Variants in CLEC16A observed in about 807,000 individuals in gnomAD.
The protein encoded by CLEC16A is protein CLEC16A.
A neutral mutation model predicts 109.5 loss-of-function variants in CLEC16A; 51 were observed. The observed-to-expected ratio is 0.47, with a 90% confidence interval of 0.37 to 0.59. The LOEUF (loss-of-function observed/expected upper bound fraction) is 0.59. Among genes scored for constraint, CLEC16A ranks in the 20% least tolerant of loss-of-function variants. The probability of loss-of-function intolerance (pLI) is 0.00; values close to 1 mark genes in which losing one functional copy is unlikely to be tolerated. For missense variants in CLEC16A, 1,339 were observed against 1,394.0 expected (o/e 0.96, Z 0.63); for synonymous variants, 673 against 564.2 (o/e 1.19, Z -2.73).
At chr16:11,089,073 A>C (rs1411333448) in intron 19 of CLEC16A, among the ~76,000 whole-genome samples, 1 of 152,036 alleles carries the variant, frequency 6.6e-6, no homozygotes, top group Non-Finnish European at 1.5e-5. Context: ...TTCTGGACCA[A>C]GCTCTTCGCA....
chr16:11,098,634 C>G (rs994666223), intron 19 of CLEC16A, among the ~76,000 whole-genome samples: 2 of 152,206 alleles, frequency 1.3e-5, no homozygotes. Flanking sequence ...GGCTGGAGTC[C>G]TAAAATCTGC....
At chr16:11,098,812 C>A (rs906624271) in intron 19 of CLEC16A, among the ~76,000 whole-genome samples, 4 of 152,212 alleles carry the variant, frequency 2.6e-5, no homozygotes, top group African/African-American at 9.7e-5. Context: ...GTTCAAGAGC[C>A]TTTCCCACCC....
At chr16:10,945,531 G>T (rs1036653440) in intron 1 of CLEC16A, among the ~76,000 whole-genome samples, 1 of 152,146 alleles carries the variant, frequency 6.6e-6, no homozygotes. Flanking sequence ...AAATTAAGAG[G>T]CTGGCTTTGC....
At chr16:11,083,345 G>A (rs940052851) in intron 19 of CLEC16A, among the ~76,000 whole-genome samples, 4 of 151,968 alleles carry the variant, frequency 2.6e-5, no homozygotes, top group African/African-American at 9.7e-5. Context: ...TTGATTTTTT[G>A]TAGAGACAGT....
chr16:11,018,320 G>A (rs1004447212), intron 11 of CLEC16A, among the ~76,000 whole-genome samples: 17 of 151,468 alleles, frequency 1.1e-4, no homozygotes, highest in Admixed American at 2.0e-4. Flanking sequence ...TGAAGAGGGC[G>A]TCCAGGAAGA....
At chr16:10,977,091 C>T (rs1276053008) in intron 7 of CLEC16A, 134 bp from the exon 8 acceptor site, 7 of 788,576 alleles carry the variant, frequency 8.9e-6, no homozygotes, top group Non-Finnish European at 1.4e-5. Context: ...CAGTAGGGGC[C>T]AGGATAAGTG....
intron 22 of CLEC16A, chr16:11,135,977 A>C (rs183623182): frequency 2.0e-5 from 3 of 152,326 alleles, no homozygotes; most frequent in African/African-American, 7.2e-5. Flanking sequence ...GAACTTACCA[A>C]ATCTTCCCAC....
intron 1 of CLEC16A, among the ~76,000 whole-genome samples, chr16:10,947,420 A>T (rs2041445776): frequency 6.6e-6 from 1 of 152,152 alleles, no homozygotes; most frequent in African/African-American, 2.4e-5. Flanking sequence ...ATCGCCATGG[A>T]CCCAGGGTTC....
rs748372135 is a variant in CLEC16A, at chr16:11,003,263, G to C, written c.1261G>C (p.Glu421Gln). 1.9e-6 allele frequency: 3 copies of C among 1,612,736 alleles called. No homozygotes were observed. The highest frequency in any genetic ancestry group is 2.2e-5 in the East Asian group (1 of 44,878). The change falls in exon 11 of 24, where the codon GAG becomes CAG. Residue 421 changes from glutamate to glutamine, a missense_variant. Glu to Gln is a conservative substitution (Grantham distance 29). Transcript: ENST00000409790. ...QEDAEKAKGT[E>Q]GGSKGIKTSG... ...AGACGCCGAGAAGGCTAAAGGTACA[G>C]AGGGTGGTTCAAAAGGCATCAAGAC...
chr16:11,015,596 G>A (rs764966231), intron 11 of CLEC16A, among the ~76,000 whole-genome samples: 4 of 152,132 alleles, frequency 2.6e-5, no homozygotes, highest in South Asian at 4.1e-4. Context: ...TGACTGTGGT[G>A]GGATGCCCTG....
At chr16:11,054,211 C>A (rs1489317521) in intron 18 of CLEC16A, among the ~76,000 whole-genome samples, 1 of 152,204 alleles carries the variant, frequency 6.6e-6, no homozygotes, top group South Asian at 2.1e-4. Context: ...TGGGCTGGGG[C>A]AGATGGTCCT....
Position 11,054,346 on chromosome 16 carries a change from T to A in CLEC16A, c.1995+2705T>A, listed in dbSNP as rs146342841. Among the ~76,000 whole-genome samples, 13 of 152,364 alleles carry A rather than the reference T, an allele frequency of 8.5e-5. No homozygotes were observed. The East Asian group carries it at 2.5e-3, about 29-fold the overall frequency. ...CTGTCAAGTAAAATGTGCCTGCCTT[T>A]CCAGAGTTATCGTGAGGACTCGGCA... On this transcript the variant is annotated intron_variant, in intron 18 of 23. Coordinates refer to ENST00000409790, the MANE Select transcript of CLEC16A (RefSeq NM_015226.3).
At chr16:10,999,521 G>A in intron 10 of CLEC16A, among the ~76,000 whole-genome samples, 1 of 152,164 alleles carries the variant, frequency 6.6e-6, no homozygotes, top group African/African-American at 2.4e-5. Context: ...GAATAAAAAG[G>A]CCCCAGTCTT....
Position 11,016,354 on chromosome 16 carries a change from CTT to C in CLEC16A, c.1304-3828_1304-3827del, listed in dbSNP as rs111279202. ...CGAACTCTTTTTTTTCTTTTTTTTT[CTT>C]TTTTTTTTTTGAAACAGAGTCTCAC... is the stretch of plus-strand genomic sequence containing the variant. On this transcript the variant is annotated intron_variant, in intron 11 of 23. Coordinates refer to ENST00000409790, the MANE Select transcript of CLEC16A (RefSeq NM_015226.3). Among the ~76,000 whole-genome samples, 59 of 141,642 alleles carry C rather than the reference CTT, an allele frequency of 4.2e-4. 1 individual carries two copies. The highest frequency in any genetic ancestry group is 1.6e-3 in the East Asian group (8 of 4,858). 92.9% of individuals were successfully genotyped at this position (141,642 alleles called of 152,430 possible).
intron 2 of CLEC16A, among the ~76,000 whole-genome samples, chr16:10,959,706 T>C (rs1189168905): frequency 1.3e-5 from 2 of 151,980 alleles, no homozygotes; most frequent in African/African-American, 4.8e-5. Context: ...TTTTTTTTTT[T>C]TAAATATCTT....
intron 19 of CLEC16A, among the ~76,000 whole-genome samples, chr16:11,104,114 G>C (rs2051079832): frequency 6.6e-6 from 1 of 151,922 alleles, no homozygotes; most frequent in Non-Finnish European, 1.5e-5. Context: ...GTTTTGTTTT[G>C]GGGGGTTTTT....
intron 22 of CLEC16A, chr16:11,156,769 T>C (rs2054540165): frequency 3.5e-6 from 3 of 865,524 alleles, no homozygotes; most frequent in Non-Finnish European, 5.0e-6. Context: ...CCTTCAGTTC[T>C]AGAAATCCAA....
Position 11,120,835 on chromosome 16 carries a change from CA to C in CLEC16A, c.2268+70del. 8.3e-6 allele frequency: 10 copies of C among 1,200,466 alleles called. No homozygotes were observed. In the South Asian group the frequency reaches 1.4e-4, roughly 16 times the overall value. The allele number at this position is 1,200,466 out of a possible 1,614,324, so 74.4% of individuals were successfully genotyped here. A position where few individuals can be genotyped will look rare whatever the true frequency, so the allele number is the denominator to read the frequency against. On this transcript the variant is annotated intron_variant, in intron 20 of 23. Coordinates refer to ENST00000409790, the MANE Select transcript of CLEC16A (RefSeq NM_015226.3). The stretch of plus-strand genomic sequence containing the variant: ...AAACACACACACACACACACACACA[CA>C]CACCACACACAATTGTCATCTTTAT...
At chr16:10,963,272 C>T (rs1278681166) in intron 3 of CLEC16A, among the ~76,000 whole-genome samples, 1 of 152,124 alleles carries the variant, frequency 6.6e-6, no homozygotes, top group Non-Finnish European at 1.5e-5. Context: ...ACCCTTATGA[C>T]CTCATTAACC....
Sources: gnomAD v4.1 joint callset for allele counts (sites outside exome capture counted in the v4.1 genomes callset) on GRCh38, gnomAD v4.1.1 for gene constraint, MANE v1.5 for transcripts, NCBI Gene and HGNC (gene_info 2026-07-23, HGNC 2026-07-21) for gene names.